Variants in LPP observed in about 807,000 individuals in gnomAD.
The protein encoded by LPP is lipoma-preferred partner.
LPP carries 38 observed loss-of-function variants against 60.4 expected under a neutral mutation model. That is an observed-to-expected ratio of 0.63 (90% CI 0.49 to 0.83). The LOEUF is 0.83. Among genes scored for constraint, LPP ranks in the 40% least tolerant of loss-of-function variants. The probability of loss-of-function intolerance (pLI) is 0.00; values close to 1 mark genes in which losing one functional copy is unlikely to be tolerated. For missense variants in LPP, 902 were observed against 783.6 expected, an observed-to-expected ratio of 1.15 and a Z score of -1.80; for synonymous variants, 328 against 290.8, an observed-to-expected ratio of 1.13 and a Z score of -1.30.
At chr3:188,247,257 G>T in intron 2 of LPP, 7 of 741,916 alleles carry the variant, frequency 9.4e-6, no homozygotes, top group Non-Finnish European at 1.1e-5. Flanking sequence ...GGGCACTTTA[G>T]TGGGAAAAAA....
rs1770610139 is a variant in LPP, at chr3:188,885,979, T to C, written c.*11500T>C. On this transcript the variant is annotated 3_prime_UTR_variant, in exon 12 of 12. Coordinates refer to ENST00000617246, the MANE Select transcript of LPP (RefSeq NM_001375462.1). ...TTCAATACTATGCAGCCATAAAAAA[T>C]GATGAGTTCATGTCCTTTGTAGGGA... The C allele has an allele frequency of 6.6e-6, 1 of 152,132 alleles. No individual in the cohort carries two copies. The highest frequency in any genetic ancestry group is 2.4e-5 in the African/African-American group (1 of 41,422). 9.4% of individuals were successfully genotyped at this position (152,132 alleles called of 1,614,324 possible).
chr3:188,535,966 A>T (rs921395897), intron 6 of LPP, among the ~76,000 whole-genome samples: 1 of 151,946 alleles, frequency 6.6e-6, no homozygotes, highest in African/African-American at 2.4e-5. Context: ...AGAAAACAAC[A>T]ACATCAACCA....
chr3:188,744,878 C>T (rs1725635698), intron 8 of LPP, among the ~76,000 whole-genome samples: 3 of 152,050 alleles, frequency 2.0e-5, no homozygotes. Context: ...CCCAGGACTC[C>T]AGTCCGATTT....
At chr3:188,197,636 A>G (rs1230003170) in intron 1 of LPP, among the ~76,000 whole-genome samples, 1 of 152,138 alleles carries the variant, frequency 6.6e-6, no homozygotes, top group Non-Finnish European at 1.5e-5. Context: ...AAGGGACCCT[A>G]CTTAAGAGTG....
At chr3:188,271,888 T>C (rs1012724053) in intron 2 of LPP, among the ~76,000 whole-genome samples, 1 of 152,060 alleles carries the variant, frequency 6.6e-6, no homozygotes, top group Non-Finnish European at 1.5e-5. Flanking sequence ...GAGAAGGCCA[T>C]AGTGGTTTAA....
intron 7 of LPP, among the ~76,000 whole-genome samples, chr3:188,631,083 C>G (rs769988284): frequency 1.3e-5 from 2 of 152,038 alleles, no homozygotes; most frequent in Non-Finnish European, 2.9e-5. Flanking sequence ...GTGATCACTA[C>G]CTGGGTGATG....
intron 7 of LPP, among the ~76,000 whole-genome samples, chr3:188,661,290 G>A (rs1200610183): frequency 6.6e-6 from 1 of 152,060 alleles, no homozygotes; most frequent in East Asian, 1.9e-4. Context: ...GAATAAAGTC[G>A]CTATAAACAT....
At chr3:188,575,947 G>A (rs1834515710) in intron 6 of LPP, among the ~76,000 whole-genome samples, 1 of 152,118 alleles carries the variant, frequency 6.6e-6, no homozygotes, top group Non-Finnish European at 1.5e-5. Context: ...TGAGCTTTCA[G>A]TAGTGAGTAG....
chr3:188,611,394 T>C (rs1479463630), intron 7 of LPP, among the ~76,000 whole-genome samples: 2 of 152,236 alleles, frequency 1.3e-5, no homozygotes, highest in African/African-American at 2.4e-5. Context: ...TCTTTGTTAA[T>C]GTCGCAGTAT....
At chr3:188,375,581 A>G (rs1327250224) in intron 3 of LPP, among the ~76,000 whole-genome samples, 4 of 151,614 alleles carry the variant, frequency 2.6e-5, no homozygotes, top group African/African-American at 9.7e-5. Flanking sequence ...TATTGCGTCT[A>G]TTTGATTCTT....
At chr3:188,302,416 G>T (rs1750189190) in intron 2 of LPP, among the ~76,000 whole-genome samples, 1 of 152,170 alleles carries the variant, frequency 6.6e-6, no homozygotes, top group Admixed American at 6.5e-5. Context: ...CCTCTGAAAA[G>T]GATCCTGCAA....
intron 9 of LPP, among the ~76,000 whole-genome samples, chr3:188,795,968 G>C (rs1047291993): frequency 2.6e-5 from 4 of 152,072 alleles, no homozygotes; most frequent in African/African-American, 9.7e-5. Context: ...TATTTTTGAA[G>C]AAGAAAATGC....
At chr3:188,347,905 T>A (rs1764828056) in intron 3 of LPP, among the ~76,000 whole-genome samples, 1 of 152,202 alleles carries the variant, frequency 6.6e-6, no homozygotes, top group African/African-American at 2.4e-5. Context: ...CACAGCAGGT[T>A]AATGGCTCTC....
intron 7 of LPP, among the ~76,000 whole-genome samples, chr3:188,660,668 T>TGTG (rs1854376420): frequency 1.5e-5 from 1 of 65,320 alleles, no homozygotes; most frequent in Non-Finnish European, 3.3e-5. Flanking sequence ...GTGTGTGTGT[T>TGTG]TTAAATAGGC....
intron 9 of LPP, among the ~76,000 whole-genome samples, chr3:188,846,820 G>A (rs1393243288): frequency 1.3e-5 from 2 of 152,084 alleles, no homozygotes; most frequent in East Asian, 3.8e-4. Flanking sequence ...TCCTTATCAT[G>A]CCAATGAGTT....
In LPP at chr3:188,875,606, C is replaced by T. The variant is rs768945233; in HGVS notation, c.*1127C>T. On this transcript the variant is annotated 3_prime_UTR_variant, in exon 12 of 12. Coordinates refer to ENST00000617246, the MANE Select transcript of LPP (RefSeq NM_001375462.1). Reference sequence around the variant, plus strand: ...TGAAAAGATTCTGAAACCACAGTTTCATTATTCTCATAATCCTTCTGCAAC... The same window carrying T: ...TGAAAAGATTCTGAAACCACAGTTTTATTATTCTCATAATCCTTCTGCAAC... 1 of 206,164 alleles carries T rather than the reference C, an allele frequency of 4.9e-6. No homozygotes were observed. The highest frequency in any genetic ancestry group is 5.9e-5 in the Admixed American group (1 of 16,812). The allele number at this position is 206,164 out of a possible 1,614,324, so 12.8% of individuals were successfully genotyped here. A position where few individuals can be genotyped will look rare whatever the true frequency, so the allele number is the denominator to read the frequency against.
intron 9 of LPP, among the ~76,000 whole-genome samples, chr3:188,834,873 G>A (rs1758012627): frequency 6.6e-6 from 1 of 152,144 alleles, no homozygotes; most frequent in African/African-American, 2.4e-5. Flanking sequence ...TATGTCCAAT[G>A]GTTTGGAGAT....
intron 2 of LPP, among the ~76,000 whole-genome samples, chr3:188,331,252 G>A (rs1759993102): frequency 6.6e-6 from 1 of 152,056 alleles, no homozygotes; most frequent in African/African-American, 2.4e-5. Flanking sequence ...GAGCTTTTAT[G>A]TATCTCCCAC....
intron 4 of LPP, among the ~76,000 whole-genome samples, chr3:188,464,745 T>A (rs1410206628): frequency 6.6e-6 from 1 of 152,156 alleles, no homozygotes; most frequent in Middle Eastern, 3.2e-3. Context: ...TAGGGCACTC[T>A]ATAACACAGC....
Sources: gnomAD v4.1 joint callset for allele counts (sites outside exome capture counted in the v4.1 genomes callset) on GRCh38, gnomAD v4.1.1 for gene constraint, MANE v1.5 for transcripts, NCBI Gene and HGNC (gene_info 2026-07-23, HGNC 2026-07-21) for gene names.